Variants in MACROD1 observed in about 807,000 individuals in gnomAD.
The protein encoded by MACROD1 is ADP-ribose glycohydrolase MACROD1.
A neutral mutation model predicts 41.4 loss-of-function variants in MACROD1; 31 were observed. That is an observed-to-expected ratio of 0.75 (90% CI 0.56 to 1.01). The LOEUF (loss-of-function observed/expected upper bound fraction) is 1.01. Among genes scored for constraint, MACROD1 ranks in the 50% least tolerant of loss-of-function variants. The pLI is 0.00. For missense variants in MACROD1, 473 were observed against 460.0 expected (o/e 1.03, Z -0.26); for synonymous variants, 252 against 203.4 (o/e 1.24, Z -2.03).
At chr11:64,148,688 A>G (rs2134697036) in intron 3 of MACROD1, 1 of 964,720 alleles carries the variant, frequency 1.0e-6, no homozygotes, top group South Asian at 4.8e-5. Context: ...ATATGAATTA[A>G]GCACATATGG....
chr11:64,143,511 G>T (rs1016645283), intron 3 of MACROD1, among the ~76,000 whole-genome samples: 2 of 152,038 alleles, frequency 1.3e-5, no homozygotes, highest in Non-Finnish European at 2.9e-5. Context: ...ACAGGATACC[G>T]GGCAGGCTGA....
intron 3 of MACROD1, among the ~76,000 whole-genome samples, chr11:64,108,696 G>A (rs1944807472): frequency 3.3e-5 from 5 of 152,240 alleles, no homozygotes; most frequent in Admixed American, 3.3e-4. Context: ...GCTTCTGCCC[G>A]CAGTCTGCCT....
intron 3 of MACROD1, among the ~76,000 whole-genome samples, chr11:64,063,068 C>A (rs565760062): frequency 1.3e-5 from 2 of 152,182 alleles, no homozygotes; most frequent in Non-Finnish European, 2.9e-5. Context: ...TGGTGACAGT[C>A]GTTCTAGTTT....
At chr11:64,116,092 C>T in intron 3 of MACROD1, 2 of 956,854 alleles carry the variant, frequency 2.1e-6, no homozygotes, top group Admixed American at 5.9e-5. Context: ...AGCTTGACCT[C>T]ACCCCGCAGG....
chr11:64,137,127 C>T (rs1392711911), intron 3 of MACROD1, among the ~76,000 whole-genome samples: 1 of 152,216 alleles, frequency 6.6e-6, no homozygotes, highest in African/African-American at 2.4e-5. Context: ...ATTTTGCCAG[C>T]CCCCCAGGGG....
At chr11:64,135,563 C>T (rs1164093713) in intron 3 of MACROD1, among the ~76,000 whole-genome samples, 2 of 152,182 alleles carry the variant, frequency 1.3e-5, no homozygotes. Flanking sequence ...TGGACAAACA[C>T]GCAGGCCATA....
rs1943383969 is a variant in MACROD1, at chr11:64,036,528, G to A, written c.518-21247C>T. Among the ~76,000 whole-genome samples the A allele has an allele frequency of 6.6e-6, 1 of 152,112 alleles. No individual in the cohort carries two copies. Among genetic ancestry groups the A allele is most frequent in the Non-Finnish European group, 1.5e-5 (1 of 67,996 alleles). On this transcript the variant is annotated intron_variant, in intron 3 of 10. Coordinates refer to ENST00000255681, the MANE Select transcript of MACROD1 (RefSeq NM_014067.4). This position sits in a 1 kb window ranked among gnomAD's most constrained non-coding sequence, Gnocchi z 5.6. ...CCTGGCCCGTGGGGGGCGTCAGGCC[G>A]GTCATGTGGGTCCCAGCTCCCGCAC...
At position 63,999,033 on chromosome 11, in the gene MACROD1, C is replaced by G. The variant is rs1942767546; in HGVS notation, c.895G>C (p.Asp299His). 1 of 1,602,016 alleles carries G rather than the reference C, an allele frequency of 6.2e-7. No homozygotes were observed. Among genetic ancestry groups the G allele is most frequent in the Admixed American group, 1.7e-5 (1 of 58,752 alleles). The part of the protein sequence containing the change: ...EWLEQHKDKV[D>H]RLIICVFLEK... ...AGGAACACGCAGATGATCAGCCGGT[C>G]CACCTGCGCCAGGGGCTGCTCAGCC... is the stretch of plus-strand genomic sequence containing the variant. The change falls in exon 9 of 11, where the codon GAC (aspartate) becomes CAC (histidine). Residue 299 changes from aspartate (D) to histidine (H), a missense_variant. Coordinates refer to ENST00000255681, the MANE Select transcript of MACROD1 (RefSeq NM_014067.4).
chr11:64,160,937 C>T (rs566912083), intron 1 of MACROD1, among the ~76,000 whole-genome samples: 14 of 151,994 alleles, frequency 9.2e-5, no homozygotes, highest in East Asian at 3.9e-4. Flanking sequence ...TTTGGGAGGC[C>T]GAGACAGGTA....
At position 64,165,918 on chromosome 11, in the gene MACROD1, G is replaced by A. The variant is rs528917108; in HGVS notation, c.77C>T (p.Pro26Leu). ...AAGQLLVPPR[P>L]RPGHLAGATR... ...GGCACCCGCCAAGTGTCCGGGCCGGGGGCGCGGGGGGACGAGCAGCTGCCC... is the reference window on the plus strand; with the variant it reads ...GGCACCCGCCAAGTGTCCGGGCCGGAGGCGCGGGGGGACGAGCAGCTGCCC... Residue 26 changes from proline (P) to leucine (L), a missense_variant, in exon 1 of 11, where the codon CCC becomes CTC. Physicochemically the swap from Pro to Leu is moderately conservative, Grantham distance 98. Coordinates refer to ENST00000255681, the MANE Select transcript of MACROD1 (RefSeq NM_014067.4). 4.8e-3 allele frequency: 6,431 copies of A among 1,330,514 alleles called. 28 individuals carry two copies. The highest frequency in any genetic ancestry group is 5.5e-3 in the Non-Finnish European group (5,772 of 1,047,342). The allele number at this position is 1,330,514 out of a possible 1,614,324, so 82.4% of individuals were successfully genotyped here. A position where few individuals can be genotyped will look rare whatever the true frequency, so the allele number is the denominator to read the frequency against.
At position 64,052,973 on chromosome 11, in the gene MACROD1, C is replaced by T. The variant is rs1943721417; in HGVS notation, c.518-37692G>A. On this transcript the variant is annotated intron_variant, in intron 3 of 10. Coordinates refer to ENST00000255681, the MANE Select transcript of MACROD1 (RefSeq NM_014067.4). ...ATCTCTCTTTCCCCACCCCTGGCTG[C>T]AACCTGCCTGTGCTTGGGTATAATT... Among the ~76,000 whole-genome samples the T allele has an allele frequency of 2.6e-5, 4 of 152,370 alleles. No homozygotes were observed. In the South Asian group the frequency reaches 8.3e-4, roughly 32 times the overall value.
intron 1 of MACROD1, among the ~76,000 whole-genome samples, chr11:64,155,420 T>C (rs1011782396): frequency 1.3e-5 from 2 of 152,330 alleles, no homozygotes; most frequent in African/African-American, 4.8e-5. Flanking sequence ...CCGCCAGGTT[T>C]GGGTTCGTGA....
At chr11:64,015,897 G>A (rs185027886) in intron 3 of MACROD1, among the ~76,000 whole-genome samples, 2,544 of 152,308 alleles carry the variant, frequency 0.017, 41 homozygotes, top group Non-Finnish European at 0.027. Flanking sequence ...CGCTGCCACT[G>A]GAGCCAAAAC....
At chr11:64,155,173 C>T (rs572272048) in intron 1 of MACROD1, among the ~76,000 whole-genome samples, 13 of 152,188 alleles carry the variant, frequency 8.5e-5, no homozygotes, top group South Asian at 2.1e-4. Context: ...AGGTTGAGGG[C>T]GAGTTTGCTA....
intron 3 of MACROD1, among the ~76,000 whole-genome samples, chr11:64,060,837 A>C (rs1283326329): frequency 1.3e-5 from 2 of 152,068 alleles, no homozygotes; most frequent in Non-Finnish European, 2.9e-5. Flanking sequence ...CGGGTCCCGG[A>C]GCCGGCGGGT....
intron 3 of MACROD1, among the ~76,000 whole-genome samples, chr11:64,135,405 T>C (rs931687220): frequency 5.9e-5 from 9 of 152,204 alleles, no homozygotes; most frequent in East Asian, 1.9e-4. Context: ...GAGGTCACCA[T>C]GTCCATCACA....
At chr11:64,044,224 C>T (rs183854457) in intron 3 of MACROD1, among the ~76,000 whole-genome samples, 12 of 151,970 alleles carry the variant, frequency 7.9e-5, no homozygotes, top group Admixed American at 2.0e-4. Context: ...TTACTATGTA[C>T]CTGGTGGTTG....
chr11:64,071,451 A>AGGGCTG (rs556506312), intron 3 of MACROD1, among the ~76,000 whole-genome samples: 14 of 152,282 alleles, frequency 9.2e-5, no homozygotes, highest in African/African-American at 3.1e-4. Context: ...TGGTATGGCC[A>AGGGCTG]GGGCTGGGGC....
intron 1 of MACROD1, among the ~76,000 whole-genome samples, chr11:64,153,965 T>C (rs1368218841): frequency 1.3e-5 from 2 of 151,866 alleles, no homozygotes; most frequent in Admixed American, 1.3e-4. Context: ...CCCCCTCCTC[T>C]GCTGTCTCCA....
Sources: allele counts gnomAD v4.1 joint callset (sites outside exome capture counted in the v4.1 genomes callset), GRCh38; gene constraint gnomAD v4.1.1; non-coding constraint Gnocchi (gnomAD v3.1); transcripts MANE v1.5; gene names NCBI Gene and HGNC (gene_info 2026-07-23, HGNC 2026-07-21).